ZFPM2: variants seen among roughly 807,000 people sequenced by gnomAD.
ZFPM2 encodes the protein zinc finger protein, FOG family member 2, also known as zinc finger protein ZFPM2.
ZFPM2 carries 20 observed loss-of-function variants against 98.6 expected under a neutral mutation model. The observed-to-expected ratio is 0.20, with a 90% CI of 0.14 to 0.29. The LOEUF (loss-of-function observed/expected upper bound fraction) is 0.29. Among genes scored for constraint, ZFPM2 ranks in the 10% least tolerant of loss-of-function variants. The pLI, the probability that ZFPM2 is intolerant of heterozygous loss-of-function variation, is 1.00. For synonymous variants in ZFPM2, 518 were observed against 502.7 expected (o/e 1.03, Z -0.41); for missense variants, 1,310 against 1,388.6 (o/e 0.94, Z 0.90).
intron 4 of ZFPM2, among the ~76,000 whole-genome samples, chr8:105,568,136 A>G (rs1209525961): frequency 6.6e-6 from 1 of 152,008 alleles, no homozygotes; most frequent in Non-Finnish European, 1.5e-5. Flanking sequence ...TTCAGCTACT[A>G]ATTTACAAAT....
At chr8:105,657,277 T>G (rs1013529607) in intron 5 of ZFPM2, among the ~76,000 whole-genome samples, 5 of 152,126 alleles carry the variant, frequency 3.3e-5, no homozygotes, top group African/African-American at 1.2e-4. Context: ...TAGCTGGGAC[T>G]AGAGGCGCCT....
At chr8:105,421,573 A>G (rs7003816) in intron 2 of ZFPM2, among the ~76,000 whole-genome samples, 52,264 of 152,006 alleles carry the variant, frequency 0.34, 11,286 homozygotes, top group African/African-American at 0.62. Context: ...TAGATTTTTC[A>G]TCCCTTGAGG....
intron 4 of ZFPM2, among the ~76,000 whole-genome samples, chr8:105,628,841 G>T (rs576988106): frequency 1.6e-4 from 24 of 152,070 alleles, no homozygotes; most frequent in Non-Finnish European, 3.4e-4. Flanking sequence ...AAGAGCTTGG[G>T]AGCCACGAGT....
intron 4 of ZFPM2, among the ~76,000 whole-genome samples, chr8:105,594,262 C>T (rs953957595): frequency 2.6e-5 from 4 of 152,038 alleles, no homozygotes; most frequent in Non-Finnish European, 5.9e-5. Flanking sequence ...GTTTGAGAAC[C>T]GTGTTGTCCC....
intron 4 of ZFPM2, among the ~76,000 whole-genome samples, chr8:105,572,022 T>C (rs191511819): frequency 1.2e-3 from 183 of 148,802 alleles, no homozygotes; most frequent in African/African-American, 4.3e-3. Context: ...CAAGTATTCT[T>C]GGGTAAATTT....
At chr8:105,472,418 A>G (rs1292654608) in intron 3 of ZFPM2, among the ~76,000 whole-genome samples, 1 of 152,232 alleles carries the variant, frequency 6.6e-6, no homozygotes, top group African/African-American at 2.4e-5. Context: ...AAGTAACACA[A>G]CTTAGTCTCT....
chr8:105,755,571 AG>A (rs1250424231), intron 5 of ZFPM2, among the ~76,000 whole-genome samples: 1 of 152,142 alleles, frequency 6.6e-6, no homozygotes, highest in Non-Finnish European at 1.5e-5. Flanking sequence ...TGGGTAGAAG[AG>A]GCTTAATCTT....
chr8:105,726,696 A>G (rs1228331737), intron 5 of ZFPM2, among the ~76,000 whole-genome samples: 1 of 151,820 alleles, frequency 6.6e-6, no homozygotes, highest in African/African-American at 2.4e-5. Context: ...TAAGATTAGC[A>G]GTAATATCAC....
chr8:105,495,304 T>C (rs1813443777), intron 3 of ZFPM2, among the ~76,000 whole-genome samples: 1 of 152,228 alleles, frequency 6.6e-6, no homozygotes, highest in African/African-American at 2.4e-5. Context: ...TAAACATTTG[T>C]TCCCTGGGTG....
At chr8:105,418,887 G>C (rs1163311148) in intron 1 of ZFPM2, 5 of 572,954 alleles carry the variant, frequency 8.7e-6, no homozygotes, top group African/African-American at 7.5e-5. Context: ...CTTGAGGTTG[G>C]GGGTGGGGAC....
At chr8:105,484,104 G>T (rs1464284844) in intron 3 of ZFPM2, among the ~76,000 whole-genome samples, 1 of 151,788 alleles carries the variant, frequency 6.6e-6, no homozygotes, top group Non-Finnish European at 1.5e-5. Context: ...TCTAGGTGTG[G>T]CTTTATTTTT....
intron 6 of ZFPM2, among the ~76,000 whole-genome samples, chr8:105,790,839 T>G (rs993961432): frequency 5.6e-4 from 86 of 152,306 alleles, no homozygotes; most frequent in African/African-American, 1.6e-3. Context: ...CCTAAGTATT[T>G]TATTCTCTTT....
intron 3 of ZFPM2, among the ~76,000 whole-genome samples, chr8:105,472,889 CT>C (rs5893744): frequency 0.55 from 59,890 of 109,206 alleles, 16,266 homozygotes; most frequent in Middle Eastern, 0.63. Context: ...CTAAAGGGAC[CT>C]TTTTTTTTTT....
At chr8:105,461,217 C>A (rs1812699041) in intron 3 of ZFPM2, among the ~76,000 whole-genome samples, 1 of 152,050 alleles carries the variant, frequency 6.6e-6, no homozygotes, top group African/African-American at 2.4e-5. Flanking sequence ...GATTGTTAGT[C>A]AATTCAGCTC....
At chr8:105,689,043 A>T (rs1810814837) in intron 5 of ZFPM2, among the ~76,000 whole-genome samples, 1 of 152,118 alleles carries the variant, frequency 6.6e-6, no homozygotes, top group Non-Finnish European at 1.5e-5. Flanking sequence ...TGTAATATCC[A>T]CAGCCTTTGC....
At chr8:105,400,369 C>G (rs1253530625) in intron 1 of ZFPM2, among the ~76,000 whole-genome samples, 2 of 152,042 alleles carry the variant, frequency 1.3e-5, no homozygotes, top group Non-Finnish European at 2.9e-5. Flanking sequence ...CCCACTAACT[C>G]GTCATCTAGC....
intron 3 of ZFPM2, among the ~76,000 whole-genome samples, chr8:105,550,580 C>A (rs938824609): frequency 4.5e-4 from 68 of 151,988 alleles, no homozygotes; most frequent in African/African-American, 1.6e-3. Context: ...TAGAAAGTTG[C>A]ATGTAGGGAG....
At chr8:105,426,086 T>C (rs1481070115) in intron 2 of ZFPM2, among the ~76,000 whole-genome samples, 2 of 152,060 alleles carry the variant, frequency 1.3e-5, no homozygotes, top group Non-Finnish European at 2.9e-5. Context: ...GATGCTTGAG[T>C]AACTGGAATC....
chr8:105,710,376 C>T (rs1811355225), intron 5 of ZFPM2, among the ~76,000 whole-genome samples: 2 of 151,854 alleles, frequency 1.3e-5, no homozygotes, highest in African/African-American at 4.8e-5. Flanking sequence ...GGTAAATTGC[C>T]CATTGGCTCT....
Sources: gnomAD v4.1 joint callset for allele counts (sites outside exome capture counted in the v4.1 genomes callset) on GRCh38, gnomAD v4.1.1 for gene constraint, MANE v1.5 for transcripts, NCBI Gene and HGNC (gene_info 2026-07-23, HGNC 2026-07-21) for gene names.